KATNIP: variants seen among roughly 807,000 people sequenced by gnomAD.
KATNIP encodes the protein katanin interacting protein, also known as katanin-interacting protein.
KATNIP carries 126 observed loss-of-function variants against 174.0 expected under a neutral mutation model. The ratio of observed to expected loss-of-function variants is 0.72; its 90% confidence interval spans 0.63 to 0.84. The LOEUF (loss-of-function observed/expected upper bound fraction) is 0.84, where lower values mean the gene tolerates loss of function less well. Ranked by LOEUF, KATNIP falls within the 40% of genes least tolerant of loss-of-function variation. The probability of loss-of-function intolerance (pLI) is 0.00; values close to 1 mark genes in which losing one functional copy is unlikely to be tolerated. For missense variants in KATNIP, 1,958 were observed against 2,109.7 expected (o/e 0.93, Z 1.41); for synonymous variants, 810 against 835.7 (o/e 0.97, Z 0.53).
chr16:27,770,179 A>C (rs542371647), intron 21 of KATNIP, among the ~76,000 whole-genome samples, 161 bp downstream of exon 21: 6 of 152,352 alleles, frequency 3.9e-5, no homozygotes, highest in Non-Finnish European at 7.3e-5. Context: ...GCCTCACCGG[A>C]AGCCTGTGGA....
intron 1 of KATNIP, among the ~76,000 whole-genome samples, chr16:27,557,666 G>A (rs1350393815): frequency 6.6e-6 from 1 of 151,922 alleles, no homozygotes; most frequent in Non-Finnish European, 1.5e-5. Flanking sequence ...GAGCTCAAGT[G>A]ATCCTCCCAC....
intron 10 of KATNIP, among the ~76,000 whole-genome samples, chr16:27,701,044 G>C (rs562362081): frequency 6.6e-6 from 1 of 152,150 alleles, no homozygotes; most frequent in Non-Finnish European, 1.5e-5. Context: ...AGGGGAAAAG[G>C]CTCAGAGAAT....
chr16:27,599,396 G>A lies in KATNIP; in HGVS notation c.64-19029G>A, dbSNP rs974479493. ...GAGCTGAGTGGCTATTGAGATGGGG[G>A]TGGGGAAGGTGGGAATGAGGTCAGG... is the stretch of plus-strand genomic sequence containing the variant. On this transcript the variant is annotated intron_variant, in intron 2 of 27. Coordinates refer to ENST00000261588, the MANE Select transcript of KATNIP (RefSeq NM_015202.5). Among the ~76,000 whole-genome samples, 8 of 152,322 alleles carry A rather than the reference G, an allele frequency of 5.3e-5. No homozygotes were observed. In the East Asian group the frequency reaches 9.7e-4, roughly 18 times the overall value.
chr16:27,574,222 T>G, intron 2 of KATNIP: 1 of 466,972 alleles, frequency 2.1e-6, no homozygotes, highest in Non-Finnish European at 3.9e-6. Flanking sequence ...TTTTAGTGGC[T>G]TAAAACAACA....
chr16:27,715,773 T>TA (rs1374872402), intron 13 of KATNIP, among the ~76,000 whole-genome samples: 1 of 152,122 alleles, frequency 6.6e-6, no homozygotes, highest in East Asian at 1.9e-4. Context: ...GCTGTAATTT[T>TA]AAAAAAGAAA....
intron 3 of KATNIP, among the ~76,000 whole-genome samples, chr16:27,621,993 A>G (rs140245290): frequency 2.6e-5 from 4 of 152,140 alleles, no homozygotes; most frequent in South Asian, 2.1e-4. Flanking sequence ...ATACAAGCCA[A>G]TCACTCCCTG....
chr16:27,690,375 A>AGATGATAGATAGATAGATG (rs1390309799), intron 8 of KATNIP, among the ~76,000 whole-genome samples: 3 of 135,098 alleles, frequency 2.2e-5, no homozygotes, highest in Admixed American at 7.5e-5. Flanking sequence ...ATAGATAGAT[A>AGATGATAGATAGATAGATG]GATAGATAGA....
intron 6 of KATNIP, among the ~76,000 whole-genome samples, chr16:27,650,094 A>G (rs2077073382): frequency 6.6e-6 from 1 of 151,904 alleles, no homozygotes; most frequent in Non-Finnish European, 1.5e-5. Context: ...AACCTCTTGA[A>G]CCCGGGAGGC....
At position 27,610,329 on chromosome 16, in the gene KATNIP, C is replaced by T. The variant is rs74603335; in HGVS notation, c.64-8096C>T. Among the ~76,000 whole-genome samples the T allele has an allele frequency of 3.7e-4, 57 of 152,152 alleles. No individual in the cohort carries two copies. In the East Asian group the frequency reaches 7.7e-3, roughly 21 times the overall value. On this transcript the variant is annotated intron_variant, in intron 2 of 27. Transcript: ENST00000261588. ...CGCAGTAGTTTTCATATGGAGCTGA[C>T]GGGTTAGATGTGGGATGGGAGACAG...
chr16:27,695,416 A>G (rs1285049592), intron 8 of KATNIP, among the ~76,000 whole-genome samples: 4 of 152,172 alleles, frequency 2.6e-5, no homozygotes, highest in Non-Finnish European at 4.4e-5. Flanking sequence ...CTAGCTGCTC[A>G]GAGAACACAT....
intron 8 of KATNIP, among the ~76,000 whole-genome samples, chr16:27,692,097 G>T (rs974535635): frequency 6.6e-6 from 1 of 152,200 alleles, no homozygotes; most frequent in Non-Finnish European, 1.5e-5. Context: ...AATTTTATAA[G>T]TGCTTCATGC....
intron 14 of KATNIP, among the ~76,000 whole-genome samples, chr16:27,730,850 A>C (rs768958384): frequency 1.3e-5 from 2 of 152,212 alleles, no homozygotes; most frequent in Non-Finnish European, 2.9e-5. Context: ...TGGTCCTCAC[A>C]GTGTTTACAG....
chr16:27,673,115 T>C (rs2077979811), intron 6 of KATNIP, among the ~76,000 whole-genome samples: 2 of 152,162 alleles, frequency 1.3e-5, no homozygotes, highest in Non-Finnish European at 2.9e-5. Flanking sequence ...AAGTTGACCT[T>C]ATTTGAGAAT....
intron 3 of KATNIP, among the ~76,000 whole-genome samples, chr16:27,627,268 A>G (rs941725224): frequency 1.3e-5 from 2 of 152,162 alleles, no homozygotes; most frequent in Non-Finnish European, 2.9e-5. Context: ...TGTTTTTCAC[A>G]TTTTTGTGCT....
intron 2 of KATNIP, among the ~76,000 whole-genome samples, chr16:27,578,965 A>G (rs1240614414): frequency 1.3e-5 from 2 of 152,204 alleles, no homozygotes; most frequent in African/African-American, 4.8e-5. Flanking sequence ...AAATATTCTT[A>G]GCCTCATTTC....
intron 5 of KATNIP, among the ~76,000 whole-genome samples, chr16:27,635,630 C>T (rs540791003): frequency 6.6e-6 from 1 of 152,036 alleles, no homozygotes. Context: ...CAAGAAGGCT[C>T]AGTTCCTGCC....
chr16:27,632,334 T>G, intron 5 of KATNIP: 1 of 183,156 alleles, frequency 5.5e-6, no homozygotes, highest in Non-Finnish European at 1.2e-5. Context: ...CACTTTGAAG[T>G]TCAGAGGGAT....
chr16:27,725,406 T>G (rs2143073774), intron 14 of KATNIP, among the ~76,000 whole-genome samples: 1 of 152,300 alleles, frequency 6.6e-6, no homozygotes, highest in African/African-American at 2.4e-5. Context: ...TCTGGAACCT[T>G]CTTTCTGGTT....
At chr16:27,689,252 C>T (rs2078630692) in intron 8 of KATNIP, among the ~76,000 whole-genome samples, 1 of 152,096 alleles carries the variant, frequency 6.6e-6, no homozygotes, top group South Asian at 2.1e-4. Context: ...CCCATCTCTA[C>T]TAAAAATATG....
Sources: allele counts gnomAD v4.1 joint callset (sites outside exome capture counted in the v4.1 genomes callset), GRCh38; gene constraint gnomAD v4.1.1; transcripts MANE v1.5; gene names NCBI Gene and HGNC (gene_info 2026-07-23, HGNC 2026-07-21).